The following PTK2 variants were observed in gnomAD, a reference collection of about 807,000 sequenced individuals.
PTK2 encodes protein tyrosine kinase 2.
A neutral mutation model predicts 150.1 loss-of-function variants in PTK2; 45 were observed. The observed-to-expected ratio is 0.30, with a 90% CI of 0.24 to 0.38. The LOEUF is 0.38. Ranked by LOEUF, PTK2 falls within the 10% of genes least tolerant of loss-of-function variation. The probability of loss-of-function intolerance (pLI) is 1.00; values close to 1 mark genes in which losing one functional copy is unlikely to be tolerated. For synonymous variants in PTK2, 432 were observed against 449.2 expected, an observed-to-expected ratio of 0.96 and a Z score of 0.48; for missense variants, 919 against 1,307.3, an observed-to-expected ratio of 0.70 and a Z score of 4.58.
intron 3 of PTK2, 63 bp from the exon 4 acceptor site, chr8:140,879,700 A>AAAAAAAAAAAAAAC (rs2100147980): frequency 8.8e-7 from 1 of 1,139,890 alleles, no homozygotes; most frequent in Non-Finnish European, 1.1e-6. Flanking sequence ...AAAAAAAAAA[A>AAAAAAAAAAAAAAC]ACCAAAACAA....
rs572127330 is a variant in PTK2 at position 140,695,982 on chromosome 8, T to C, written c.2499+4909A>G. 1.9e-3 allele frequency among the ~76,000 whole-genome samples: 290 copies of C among 152,334 alleles called. 2 individuals are homozygous for C. The highest frequency in any genetic ancestry group is 3.5e-3 in the South Asian group (17 of 4,824). On this transcript the variant is annotated intron_variant, in intron 26 of 31. Coordinates refer to ENST00000522684, the Ensembl canonical transcript of PTK2. ...CCCCAGGGTTCATGTATGACTTGTT[T>C]TTATTTTTCATTTAGATGAAAAACA...
intron 16 of PTK2, among the ~76,000 whole-genome samples, chr8:140,753,778 C>A (rs757277699): frequency 1.7e-4 from 26 of 152,140 alleles, no homozygotes; most frequent in Admixed American, 3.3e-4. Flanking sequence ...TTCTCCATCA[C>A]TAAAATGTAA....
chr8:140,935,829 C>T (rs920980889), intron 1 of PTK2, among the ~76,000 whole-genome samples: 4 of 151,610 alleles, frequency 2.6e-5, no homozygotes, highest in Non-Finnish European at 5.9e-5. Flanking sequence ...CGCCACCACA[C>T]CTGGCTAATT....
At chr8:140,865,154 T>C (rs572836420) in intron 4 of PTK2, among the ~76,000 whole-genome samples, 2 of 152,374 alleles carry the variant, frequency 1.3e-5, no homozygotes, top group East Asian at 3.9e-4. Flanking sequence ...GGCATTTCTT[T>C]GGTAAGTAAT....
At chr8:140,712,370 A>G (rs531294524) in intron 23 of PTK2, among the ~76,000 whole-genome samples, 17 of 152,230 alleles carry the variant, frequency 1.1e-4, no homozygotes, top group South Asian at 4.2e-4. Flanking sequence ...ATATGAGGGG[A>G]AAAAAAGTAA....
At chr8:140,832,770 G>T (rs2100116246) in intron 7 of PTK2, 1 of 512,046 alleles carries the variant, frequency 2.0e-6, no homozygotes, top group African/African-American at 1.9e-5. Context: ...AGGTGGGTGG[G>T]CATCAACAGT....
chr8:140,934,850 G>C (rs933368723), intron 1 of PTK2, among the ~76,000 whole-genome samples: 1 of 152,068 alleles, frequency 6.6e-6, no homozygotes, highest in South Asian at 2.1e-4. Context: ...ACTCTCTATT[G>C]ATCTCTCTCT....
intron 1 of PTK2, among the ~76,000 whole-genome samples, chr8:140,935,805 G>C (rs916131134): frequency 1.3e-4 from 19 of 149,776 alleles, no homozygotes; most frequent in African/African-American, 4.7e-4. Flanking sequence ...TGAGTAGCTG[G>C]GACTACAGGC....
intron 1 of PTK2, among the ~76,000 whole-genome samples, chr8:140,992,414 G>A (rs966671978): frequency 8.5e-5 from 13 of 152,054 alleles, no homozygotes; most frequent in African/African-American, 2.9e-4. Flanking sequence ...AGGTTGCAGT[G>A]AGCTGAGAAA....
At chr8:140,829,234 T>C (rs543053328) in intron 8 of PTK2, among the ~76,000 whole-genome samples, 1 of 152,344 alleles carries the variant, frequency 6.6e-6, no homozygotes, top group East Asian at 1.9e-4. Context: ...AACACCTTTA[T>C]ATCTATTTTT....
At chr8:140,927,681 C>T (rs567457856) in intron 1 of PTK2, among the ~76,000 whole-genome samples, 125 of 152,034 alleles carry the variant, frequency 8.2e-4, no homozygotes, top group Non-Finnish European at 1.0e-3. Context: ...TCAGGCCAGG[C>T]GAGGTGGCTC....
chr8:140,855,679 T>C (rs1193678419), intron 5 of PTK2, among the ~76,000 whole-genome samples: 1 of 151,920 alleles, frequency 6.6e-6, no homozygotes, highest in Admixed American at 6.6e-5. Flanking sequence ...TAGCAAAACA[T>C]AACATGACAA....
intron 8 of PTK2, among the ~76,000 whole-genome samples, chr8:140,830,106 CACACAA>C (rs776723875): frequency 4.9e-5 from 7 of 143,614 alleles, no homozygotes; most frequent in Non-Finnish European, 1.1e-4. Context: ...CACACACACA[CACACAA>C]TATTAATGAT....
intron 1 of PTK2, among the ~76,000 whole-genome samples, chr8:140,986,685 T>C (rs1207024685): frequency 2.6e-5 from 4 of 152,132 alleles, no homozygotes; most frequent in African/African-American, 9.7e-5. Context: ...AGTAAACCAG[T>C]AATGAACCAA....
intron 27 of PTK2, among the ~76,000 whole-genome samples, chr8:140,678,104 T>A (rs1466827673): frequency 6.6e-6 from 1 of 152,228 alleles, no homozygotes; most frequent in Non-Finnish European, 1.5e-5. Flanking sequence ...TGGAGTGTAG[T>A]GGCACAATCT....
chr8:140,745,359 A>G (rs2100058092), intron 18 of PTK2, among the ~76,000 whole-genome samples: 1 of 152,242 alleles, frequency 6.6e-6, no homozygotes, highest in South Asian at 2.1e-4. Flanking sequence ...CTGACATGGC[A>G]AAGAAAGGCA....
At chr8:140,892,657 A>G (rs566724838) in intron 2 of PTK2, 20 of 421,938 alleles carry the variant, frequency 4.7e-5, no homozygotes, top group Non-Finnish European at 9.2e-5. Flanking sequence ...ATGGTATAAC[A>G]GCACAGTAAA....
intron 1 of PTK2, chr8:140,934,726 T>A (rs183898713): frequency 6.6e-6 from 1 of 152,340 alleles, no homozygotes; most frequent in East Asian, 1.9e-4. Context: ...ACAAGTAGTG[T>A]TTATCAAGTT....
chr8:140,956,920 G>A (rs1169744479), intron 1 of PTK2, among the ~76,000 whole-genome samples: 1 of 151,934 alleles, frequency 6.6e-6, no homozygotes, highest in Non-Finnish European at 1.5e-5. Flanking sequence ...AATTAGCCGG[G>A]CATGGTGACA....
Sources: allele counts gnomAD v4.1 joint callset (sites outside exome capture counted in the v4.1 genomes callset), GRCh38; gene constraint gnomAD v4.1.1; transcripts MANE v1.5; gene names NCBI Gene and HGNC (gene_info 2026-07-23, HGNC 2026-07-21).